Variants in CFAP61 observed in about 807,000 individuals in gnomAD.
The protein encoded by CFAP61 is cilia- and flagella-associated protein 61.
In CFAP61, 107 loss-of-function variants were observed where a neutral mutation model predicts 135.6. That is an observed-to-expected ratio of 0.79 (90% CI 0.67 to 0.93). CFAP61 has a LOEUF of 0.93. CFAP61 is among the 40% of genes least tolerant of loss of function. CFAP61 has a pLI of 0.00. For missense variants in CFAP61, 1,507 were observed against 1,556.2 expected (o/e 0.97, Z 0.53); for synonymous variants, 575 against 578.5 (o/e 0.99, Z 0.09).
chr20:20,243,628 G>A (rs890447546), intron 18 of CFAP61, among the ~76,000 whole-genome samples: 2 of 151,956 alleles, frequency 1.3e-5, no homozygotes, highest in African/African-American at 4.8e-5. Context: ...GTGGAGACAG[G>A]GTTTCACCAT....
rs2054056708 is a variant in CFAP61, at chr20:20,169,350, C to T, written c.1275C>T (p.Pro425=). The T allele has an allele frequency of 6.2e-7, 1 of 1,613,350 alleles. No homozygotes were observed. Among genetic ancestry groups the T allele is most frequent in the Non-Finnish European group, 8.5e-7 (1 of 1,179,792 alleles). Residue 425 remains proline (P), a synonymous_variant, in exon 13 of 27, where the codon CCC becomes CCT. Coordinates refer to ENST00000245957, the MANE Select transcript of CFAP61 (RefSeq NM_015585.4). The part of the protein sequence containing the change: ...SDKNFCVISL[P]HLTPEFFLIQ... ...AGAACTTCTGTGTAATTTCTCTGCC[C>T]CATCTCACCCCCGAGTTCTTCCTCA...
intron 22 of CFAP61, among the ~76,000 whole-genome samples, chr20:20,278,117 A>C (rs1196291905): frequency 1.3e-5 from 2 of 152,198 alleles, no homozygotes; most frequent in African/African-American, 2.4e-5. Flanking sequence ...GCTTCTCTTT[A>C]CGGAGAGCTT....
At chr20:20,335,215 A>G (rs939918505) in intron 25 of CFAP61, among the ~76,000 whole-genome samples, 3 of 152,192 alleles carry the variant, frequency 2.0e-5, no homozygotes, top group Admixed American at 1.3e-4. Flanking sequence ...GTTTTGGAGT[A>G]GTTGGAGTCT....
intron 20 of CFAP61, among the ~76,000 whole-genome samples, chr20:20,252,284 A>C (rs1302678906): frequency 6.6e-6 from 1 of 150,740 alleles, no homozygotes. Context: ...CTCTCCATCC[A>C]CATTTGAGTA....
intron 13 of CFAP61, among the ~76,000 whole-genome samples, chr20:20,179,648 T>C (rs1291658709): frequency 2.0e-5 from 3 of 152,138 alleles, no homozygotes; most frequent in Admixed American, 2.0e-4. Context: ...AGTGCTACAG[T>C]AACCAAAACA....
chr20:20,161,059 A>G (rs893612212), intron 10 of CFAP61, among the ~76,000 whole-genome samples: 2 of 152,198 alleles, frequency 1.3e-5, no homozygotes, highest in African/African-American at 2.4e-5. Context: ...TTGCTCCCCA[A>G]GTAAACTACT....
chr20:20,161,365 G>T (rs1424095399), intron 10 of CFAP61, among the ~76,000 whole-genome samples: 1 of 151,972 alleles, frequency 6.6e-6, no homozygotes, highest in Non-Finnish European at 1.5e-5. Context: ...TCTCCCTACC[G>T]GAGAAAAACA....
rs575429275 is a variant in CFAP61, at chr20:20,344,066, C to G, written c.3513+2145C>G. ...AACCTCCGGAAGAAAAAAATCTCCA[C>G]TGGAGGATTTTTCTATTTGCAGCAT... On this transcript the variant is annotated intron_variant, in intron 26 of 26. Transcript: ENST00000245957. 1.1e-4 allele frequency among the ~76,000 whole-genome samples: 17 copies of G among 152,310 alleles called. No individual in the cohort carries two copies. The South Asian group carries it at 1.2e-3, about 11-fold the overall frequency.
At chr20:20,317,147 T>A (rs936649935) in intron 25 of CFAP61, among the ~76,000 whole-genome samples, 3 of 152,026 alleles carry the variant, frequency 2.0e-5, no homozygotes, top group African/African-American at 7.2e-5. Flanking sequence ...GTGCTGGGAT[T>A]ACAGGCATGA....
intron 17 of CFAP61, among the ~76,000 whole-genome samples, chr20:20,211,463 C>T (rs2146916405): frequency 6.6e-6 from 1 of 152,150 alleles, no homozygotes; most frequent in Admixed American, 6.5e-5. Flanking sequence ...TCCATAGTAA[C>T]CAACTTAATA....
chr20:20,262,883 CTTTT>C, intron 20 of CFAP61, 69 bp from the exon 21 acceptor site: 1 of 731,468 alleles, frequency 1.4e-6, no homozygotes. Flanking sequence ...GCTATGTCTA[CTTTT>C]TTTTTTTTAA....
intron 25 of CFAP61, among the ~76,000 whole-genome samples, chr20:20,304,606 C>T (rs190513311): frequency 2.6e-5 from 4 of 151,898 alleles, no homozygotes; most frequent in Admixed American, 6.6e-5. Flanking sequence ...CACCTGCACC[C>T]GCCTCTCCAA....
In CFAP61 at chr20:20,268,133, T is replaced by C. The variant is rs117174435; in HGVS notation, c.2503+5003T>C. Among the ~76,000 whole-genome samples, 274 of 152,350 alleles carry C rather than the reference T, an allele frequency of 1.8e-3. 2 individuals are homozygous for C. Among genetic ancestry groups the C allele is most frequent in the Non-Finnish European group, 3.2e-3 (221 of 68,040 alleles). On this transcript the variant is annotated intron_variant, in intron 21 of 26. Coordinates refer to ENST00000245957, the MANE Select transcript of CFAP61 (RefSeq NM_015585.4). ...GGAATGTGGACAGTTTTCATCATAGTTTATTTTTACTCCCTCAGTGCTAAT... is the reference window on the plus strand; with the variant it reads ...GGAATGTGGACAGTTTTCATCATAGCTTATTTTTACTCCCTCAGTGCTAAT...
Position 20,169,310 on chromosome 20 carries a change from G to A in CFAP61, c.1246-11G>A, listed in dbSNP as rs1192013438. ...ATTCTTTCTCTGTGTCCTGGTTTTT[G>A]ATGATGTTAGGATAAGAACTTCTGT... On this transcript the variant is annotated splice_polypyrimidine_tract_variant and intron_variant, in intron 12 of 26. Coordinates refer to ENST00000245957, the MANE Select transcript of CFAP61 (RefSeq NM_015585.4). 5 of 1,604,382 alleles carry A rather than the reference G, an allele frequency of 3.1e-6. No homozygotes were observed. The highest frequency in any genetic ancestry group is 4.3e-6 in the Non-Finnish European group (5 of 1,174,546).
rs149819421 is a variant in CFAP61, at chr20:20,261,784, A to G, written c.2329-1172A>G. On this transcript the variant is annotated intron_variant, in intron 20 of 26. Transcript: ENST00000245957. ...GGCAGCAACTAGATGGAACTCAGTC[A>G]TGGCTGAAATCTCTGGCCCAAGCAC... Among the ~76,000 whole-genome samples, 654 of 152,176 alleles carry G rather than the reference A, an allele frequency of 4.3e-3. 5 individuals are homozygous for G. Among genetic ancestry groups the G allele is most frequent in the African/African-American group, 0.014 (601 of 41,508 alleles).
chr20:20,334,166 G>A (rs533338438), intron 25 of CFAP61, among the ~76,000 whole-genome samples: 8 of 152,060 alleles, frequency 5.3e-5, no homozygotes, highest in Admixed American at 2.6e-4. Flanking sequence ...TCGCTCTGTC[G>A]CCCAGGCTAG....
intron 11 of CFAP61, 77 bp downstream of exon 11, chr20:20,164,305 A>C: frequency 7.0e-7 from 1 of 1,428,900 alleles, no homozygotes; most frequent in Non-Finnish European, 9.5e-7. Context: ...TTAACTTTAC[A>C]GAGCCAGTAA....
At chr20:20,247,671 A>T (rs938701669) in intron 19 of CFAP61, among the ~76,000 whole-genome samples, 5 of 152,222 alleles carry the variant, frequency 3.3e-5, no homozygotes, top group Non-Finnish European at 7.3e-5. Flanking sequence ...ACGTGCTGTG[A>T]TGCTCCAGCC....
rs552609292 is a variant in CFAP61 at position 20,282,868 on chromosome 20, G to A, written c.2796+5410G>A. On this transcript the variant is annotated intron_variant, in intron 22 of 26. Coordinates refer to ENST00000245957, the MANE Select transcript of CFAP61 (RefSeq NM_015585.4). ...GCAGGAGAATCTCTTGAACCTAGGA[G>A]GTGGAGGTTGCAGTGAGCCCAGATG... Among the ~76,000 whole-genome samples, 12 of 151,902 alleles carry A rather than the reference G, an allele frequency of 7.9e-5. No homozygotes were observed. The East Asian group carries it at 9.7e-4, about 12-fold the overall frequency.
Sources: allele counts gnomAD v4.1 joint callset (sites outside exome capture counted in the v4.1 genomes callset), GRCh38; gene constraint gnomAD v4.1.1; transcripts MANE v1.5; gene names NCBI Gene and HGNC (gene_info 2026-07-23, HGNC 2026-07-21).